Variants in FGF14 observed in about 807,000 individuals in gnomAD.
FGF14 encodes the protein fibroblast growth factor homologous factor 4.
In FGF14, 5 loss-of-function variants were observed where a neutral mutation model predicts 25.5. That is an observed-to-expected ratio of 0.20 (90% CI 0.10 to 0.41). FGF14 has a LOEUF of 0.41. FGF14 is among the 10% of genes least tolerant of loss of function. The pLI, the probability that FGF14 is intolerant of heterozygous loss-of-function variation, is 1.00. For synonymous variants in FGF14, 138 were observed against 118.3 expected, an observed-to-expected ratio of 1.17 and a Z score of -1.08; for missense variants, 222 against 320.1, an observed-to-expected ratio of 0.69 and a Z score of 2.34.
chr13:102,276,142 A>G (rs1261267565), intron 1 of FGF14, among the ~76,000 whole-genome samples: 1 of 151,754 alleles, frequency 6.6e-6, no homozygotes, highest in Non-Finnish European at 1.5e-5. Context: ...TTAGTTAAGT[A>G]GAGACTCAAA....
intron 1 of FGF14, among the ~76,000 whole-genome samples, chr13:102,144,540 ATAGT>A (rs2046775181): frequency 1.3e-5 from 2 of 149,942 alleles, no homozygotes; most frequent in Admixed American, 6.6e-5. Context: ...GTTATATATG[ATAGT>A]TATATATAAA....
intron 1 of FGF14, among the ~76,000 whole-genome samples, chr13:102,315,779 A>T (rs2055991601): frequency 6.6e-6 from 1 of 152,144 alleles, no homozygotes; most frequent in Admixed American, 6.6e-5. Context: ...ACTAGGTAAG[A>T]CCTCAAATAC....
At chr13:101,931,715 C>A (rs1019355385) in intron 1 of FGF14, among the ~76,000 whole-genome samples, 3 of 152,206 alleles carry the variant, frequency 2.0e-5, no homozygotes, top group African/African-American at 7.2e-5. Flanking sequence ...CTGATGCCCA[C>A]GTGAAAGCCT....
intron 1 of FGF14, among the ~76,000 whole-genome samples, chr13:101,932,475 G>C (rs1309189301): frequency 7.4e-6 from 1 of 135,068 alleles, no homozygotes; most frequent in Non-Finnish European, 1.5e-5. Flanking sequence ...GGAGGTTGCA[G>C]TGAGCCAAGA....
At chr13:102,229,690 C>T (rs185928282) in intron 1 of FGF14, among the ~76,000 whole-genome samples, 1 of 152,292 alleles carries the variant, frequency 6.6e-6, no homozygotes, top group Admixed American at 6.5e-5. Flanking sequence ...CTCAAGGCTT[C>T]TCAGGCCTTG....
chr13:102,027,602 T>C (rs899584334), intron 1 of FGF14, among the ~76,000 whole-genome samples: 2 of 152,092 alleles, frequency 1.3e-5, no homozygotes, highest in Admixed American at 6.6e-5. Context: ...CTCAAATCTA[T>C]GAGAAATGTC....
intron 3 of FGF14, among the ~76,000 whole-genome samples, chr13:101,853,637 G>A (rs1439385110): frequency 6.6e-6 from 1 of 151,624 alleles, no homozygotes; most frequent in African/African-American, 2.4e-5. Context: ...TTTATTTTTT[G>A]TAGAGACAGG....
At chr13:102,352,076 C>T (rs1354974665) in intron 1 of FGF14, among the ~76,000 whole-genome samples, 1 of 152,048 alleles carries the variant, frequency 6.6e-6, no homozygotes, top group Non-Finnish European at 1.5e-5. Flanking sequence ...ATGTTTAAAA[C>T]GCAGCTTTTT....
chr13:101,791,345 A>G (rs9554824), intron 3 of FGF14, among the ~76,000 whole-genome samples: 68,458 of 152,000 alleles, frequency 0.45, 17,369 homozygotes, highest in Middle Eastern at 0.57. Context: ...TGAGCTGACA[A>G]TTTTATTCTC....
intron 1 of FGF14, among the ~76,000 whole-genome samples, chr13:102,164,205 A>G (rs907526085): frequency 6.6e-5 from 10 of 152,168 alleles, no homozygotes; most frequent in Admixed American, 6.5e-4. Flanking sequence ...TTCTCTTTGT[A>G]TGTTGCTGAG....
At chr13:102,341,996 T>A (rs1407273557) in intron 1 of FGF14, among the ~76,000 whole-genome samples, 1 of 152,142 alleles carries the variant, frequency 6.6e-6, no homozygotes, top group Non-Finnish European at 1.5e-5. Flanking sequence ...AGCCCACTCA[T>A]CAACACAAGT....
At chr13:102,071,055 A>G (rs973890643) in intron 1 of FGF14, among the ~76,000 whole-genome samples, 9 of 152,218 alleles carry the variant, frequency 5.9e-5, no homozygotes, top group African/African-American at 1.9e-4. Flanking sequence ...TAGCAGTGAA[A>G]TAAGTCATAG....
chr13:101,797,781 G>GTA (rs975518450), intron 3 of FGF14, among the ~76,000 whole-genome samples: 4 of 151,056 alleles, frequency 2.6e-5, no homozygotes, highest in African/African-American at 9.8e-5. Context: ...GTGTGTGTGT[G>GTA]TTCAACCTCA....
At chr13:101,756,854 T>C (rs974742358) in intron 3 of FGF14, among the ~76,000 whole-genome samples, 1 of 152,220 alleles carries the variant, frequency 6.6e-6, no homozygotes, top group African/African-American at 2.4e-5. Flanking sequence ...GCCCAGATTT[T>C]TTCTGTCAAT....
chr13:102,142,301 A>G (rs79324530), intron 1 of FGF14, among the ~76,000 whole-genome samples: 7,536 of 152,198 alleles, frequency 0.05, 393 homozygotes, highest in East Asian at 0.21. Context: ...ACTGTGGTAA[A>G]AATAGGATAT....
chr13:101,917,059 CTCCCCGGGCGCCGGCTGGAGGGCGGG>C (rs1163233213), upstream of FGF14, among the ~76,000 whole-genome samples: 9 of 151,424 alleles, frequency 5.9e-5, no homozygotes, highest in Non-Finnish European at 1.2e-4. Context: ...CGGCCGGCGG[CTCCCCGGGCGCCGGCTGGAGGGCGGG>C]TCCCGGCAGG....
rs2034453540 is a variant in FGF14 at position 101,711,262 on chromosome 13, C to T, written c.*11569G>A. The T allele has an allele frequency of 6.6e-6, 1 of 152,238 alleles. No homozygotes were observed. Among genetic ancestry groups the T allele is most frequent in the Admixed American group, 6.5e-5 (1 of 15,280 alleles). 9.4% of individuals were successfully genotyped at this position (152,238 alleles called of 1,614,324 possible). A position where few individuals can be genotyped will look rare whatever the true frequency, so the allele number is the denominator to read the frequency against. On this transcript the variant is annotated 3_prime_UTR_variant, in exon 5 of 5. Transcript: ENST00000376143. ...ATCACGTCCAATCTTCTTACAGATGCTGTTGTGTGACAATGGCTGTAAACA... is the reference window on the plus strand; with the variant it reads ...ATCACGTCCAATCTTCTTACAGATGTTGTTGTGTGACAATGGCTGTAAACA...
intron 3 of FGF14, among the ~76,000 whole-genome samples, chr13:101,771,672 T>C (rs1157278804): frequency 6.6e-6 from 1 of 152,110 alleles, no homozygotes; most frequent in African/African-American, 2.4e-5. Context: ...TTCTGATCTA[T>C]GAATTCAGGA....
chr13:102,052,579 G>T (rs1335573842), intron 1 of FGF14, among the ~76,000 whole-genome samples: 3 of 151,950 alleles, frequency 2.0e-5, no homozygotes, highest in Non-Finnish European at 4.4e-5. Flanking sequence ...TAAGGCAGCA[G>T]TGAATTTTTC....
Sources: allele counts gnomAD v4.1 joint callset (sites outside exome capture counted in the v4.1 genomes callset), GRCh38; gene constraint gnomAD v4.1.1; transcripts MANE v1.5; gene names NCBI Gene and HGNC (gene_info 2026-07-23, HGNC 2026-07-21).